The following PLEKHA6 variants were observed in gnomAD, a reference collection of about 807,000 sequenced individuals.
The protein encoded by PLEKHA6 is pleckstrin homology domain containing A6.
Under a neutral mutation model 116.7 loss-of-function variants are expected in PLEKHA6, and 60 were observed. That is an observed-to-expected ratio of 0.51 (90% CI 0.42 to 0.64). The LOEUF (loss-of-function observed/expected upper bound fraction) is 0.64, where lower values mean the gene tolerates loss of function less well. Among genes scored for constraint, PLEKHA6 ranks in the 30% least tolerant of loss-of-function variants. The pLI, the probability that PLEKHA6 is intolerant of heterozygous loss-of-function variation, is 0.00. For synonymous variants in PLEKHA6, 489 were observed against 556.1 expected, an observed-to-expected ratio of 0.88 and a Z score of 1.70; for missense variants, 1,338 against 1,422.7, an observed-to-expected ratio of 0.94 and a Z score of 0.96.
intron 18 of PLEKHA6, among the ~76,000 whole-genome samples, chr1:204,229,673 C>T (rs983865875): frequency 1.3e-5 from 2 of 152,152 alleles, no homozygotes; most frequent in Non-Finnish European, 2.9e-5. Context: ...CCTTGGCCTC[C>T]CAAAGTGCTA....
At chr1:204,372,269 C>T (rs760860795) in intron 1 of PLEKHA6, among the ~76,000 whole-genome samples, 27 of 152,176 alleles carry the variant, frequency 1.8e-4, no homozygotes, top group Non-Finnish European at 2.9e-4. Flanking sequence ...GATCTGTCCC[C>T]GACAAAACTC....
At chr1:204,352,312 T>G (rs1673305340) in intron 1 of PLEKHA6, among the ~76,000 whole-genome samples, 3 of 151,486 alleles carry the variant, frequency 2.0e-5, no homozygotes, top group Middle Eastern at 3.4e-3. Flanking sequence ...GAGGCAGAGG[T>G]TGCAGTGAGC....
intron 1 of PLEKHA6, among the ~76,000 whole-genome samples, chr1:204,357,632 G>A (rs985828367): frequency 6.6e-6 from 1 of 152,220 alleles, no homozygotes; most frequent in African/African-American, 2.4e-5. Flanking sequence ...CCTCTGGGGG[G>A]CCCCATGGGT....
At chr1:204,271,641 C>A (rs1188563989) in intron 3 of PLEKHA6, among the ~76,000 whole-genome samples, 1 of 152,152 alleles carries the variant, frequency 6.6e-6, no homozygotes, top group Non-Finnish European at 1.5e-5. Context: ...AGACAACCTC[C>A]CACTGACTCC....
rs562673543 is a variant in PLEKHA6, at chr1:204,373,413, T to G, written c.84-1807A>C. 9.9e-5 allele frequency among the ~76,000 whole-genome samples: 15 copies of G among 151,978 alleles called. No individual in the cohort carries two copies. In the South Asian group the frequency reaches 1.2e-3, roughly 13 times the overall value. On this transcript the variant is annotated intron_variant, in intron 1 of 4. Transcript: ENST00000564627. ...CTATTTTTTTTTTGCAGAGACAAGG[T>G]CTTACTATGTTGCCCAGGTTGGTTA... is the stretch of plus-strand genomic sequence containing the variant.
Position 204,259,482 on chromosome 1 carries a change from C to G in PLEKHA6, c.783G>C (p.Gly261=), listed in dbSNP as rs751835630. 1.2e-5 allele frequency: 19 copies of G among 1,614,088 alleles called. No individual in the cohort carries two copies. The highest frequency in any genetic ancestry group is 1.6e-5 in the Non-Finnish European group (19 of 1,180,028). Residue 261 remains glycine (G), a synonymous_variant, in exon 8 of 23, where the codon GGG becomes GGC. Coordinates refer to ENST00000272203, the MANE Select transcript of PLEKHA6 (RefSeq NM_014935.5). This position sits in a 1 kb window ranked among gnomAD's most constrained non-coding sequence, Gnocchi z 4.6. The stretch of plus-strand genomic sequence containing the variant: ...TGGGCTGGGCAGGCTGTTCCCCACC[C>G]CCTGGCACTCTTGGGCCCTCGGGGT... ...SPYPEGPRVP[G]GGEQPAQPNG...
rs141865069 is a variant in PLEKHA6, at chr1:204,288,419, C to A, written c.-94-13610G>T. 5.3e-4 allele frequency among the ~76,000 whole-genome samples: 81 copies of A among 152,346 alleles called. 1 individual carries two copies. The highest frequency in any genetic ancestry group is 1.8e-3 in the African/African-American group (75 of 41,578). Reference sequence around the variant, plus strand: ...CCCTCTAGTCCCACCCAGGCCGCCCCGCCTGATTGGAGCACACTTGCAACC... The same window carrying A: ...CCCTCTAGTCCCACCCAGGCCGCCCAGCCTGATTGGAGCACACTTGCAACC... On this transcript the variant is annotated intron_variant, in intron 1 of 22. Coordinates refer to ENST00000272203, the MANE Select transcript of PLEKHA6 (RefSeq NM_014935.5).
At chr1:204,254,441 T>TA (rs1473112184) in intron 9 of PLEKHA6, among the ~76,000 whole-genome samples, 4 of 151,770 alleles carry the variant, frequency 2.6e-5, no homozygotes, top group African/African-American at 9.7e-5. Context: ...GCATCTCATT[T>TA]AAAATTTTTT....
intron 9 of PLEKHA6, among the ~76,000 whole-genome samples, chr1:204,253,596 G>A (rs1433110328): frequency 6.6e-6 from 1 of 152,158 alleles, no homozygotes; most frequent in Non-Finnish European, 1.5e-5. Context: ...AGGCAGAGGT[G>A]AGAGGATCAC....
intron 1 of PLEKHA6, among the ~76,000 whole-genome samples, chr1:204,279,910 C>T (rs929938057): frequency 4.6e-5 from 7 of 152,156 alleles, no homozygotes; most frequent in African/African-American, 1.7e-4. Context: ...TGTAAACTTG[C>T]AAGATATAGA....
rs148948923 is a variant in PLEKHA6, at chr1:204,248,954, G to A, written c.1691C>T (p.Ala564Val). The stretch of plus-strand genomic sequence containing the variant: ...CAGCTCCTGGTGGGTCCCCATCAAG[G>A]CACTTTCCAGGCTCTCCTGAAGAAA... ...LRAEKESLESALMGTHQELEM... is the reference protein window; with the variant it reads ...LRAEKESLESVLMGTHQELEM... The change falls in exon 12 of 23, where the codon GCC becomes GTC. Residue 564 changes from alanine to valine, a missense_variant. Around this residue, in one of 3 missense-constraint regions of PLEKHA6, gnomAD observed 1,136 missense variants for 1,163.6 expected, o/e 0.98. Transcript: ENST00000272203. 1.3e-5 allele frequency: 21 copies of A among 1,614,044 alleles called. No individual in the cohort carries two copies. The African/African-American group carries it at 2.8e-4, about 22-fold the overall frequency.
At chr1:204,325,973 C>T (rs1672228950) in intron 1 of PLEKHA6, 2 of 889,254 alleles carry the variant, frequency 2.2e-6, no homozygotes, top group Non-Finnish European at 2.7e-6. Flanking sequence ...CAGAGTCCCT[C>T]TGCCCACAGC....
chr1:204,259,718 T>G lies in PLEKHA6; in HGVS notation c.547A>C (p.Asn183His). 1.9e-6 allele frequency: 3 copies of G among 1,611,302 alleles called. No individual in the cohort carries two copies. Among genetic ancestry groups the G allele is most frequent in the Non-Finnish European group, 2.5e-6 (3 of 1,178,298 alleles). Residue 183 changes from asparagine (N) to histidine (H), a missense_variant, in exon 8 of 23, where the codon AAC becomes CAC. By Grantham distance (68) the Asn-to-His change is moderately conservative (BLOSUM62 1). Around this residue, in one of 3 missense-constraint regions of PLEKHA6, gnomAD observed 140 missense variants for 197.4 expected, o/e 0.71. Coordinates refer to ENST00000272203, the MANE Select transcript of PLEKHA6 (RefSeq NM_014935.5). This position sits in a 1 kb window ranked among gnomAD's most constrained non-coding sequence, Gnocchi z 4.6. ...TGGTGGTGCTTGCTGGGTGGGACGT[T>G]CTCCGAGTCTGGCTTCTCATGGCTG... ...RHSHEKPDSENVPPSKHHQQP... is the reference protein window; with the variant it reads ...RHSHEKPDSEHVPPSKHHQQP...
chr1:204,302,373 C>T (rs1262783829), intron 1 of PLEKHA6, among the ~76,000 whole-genome samples: 1 of 152,216 alleles, frequency 6.6e-6, no homozygotes, highest in Non-Finnish European at 1.5e-5. Context: ...GTTGCCCAGG[C>T]TGGTCTTTGC....
At position 204,267,539 on chromosome 1, in the gene PLEKHA6, G is replaced by A. The variant is rs751907743; in HGVS notation, c.216C>T (p.Ser72=). 24 of 1,613,942 alleles carry A rather than the reference G, an allele frequency of 1.5e-5. No homozygotes were observed. The highest frequency in any genetic ancestry group is 8.8e-5 in the South Asian group (8 of 91,070). Residue 72 remains serine, a synonymous_variant, in exon 5 of 23, where the codon TCC becomes TCT. Transcript: ENST00000272203. ...KAGWLFKQAS[S]GVKQWNKRWF... is the part of the protein sequence containing the mutation. Reference sequence around the variant, plus strand: ...AGCGCTTGTTCCACTGCTTAACCCCGGAGCTGGCCTGCGGGACATGGGAGA... The same window carrying A: ...AGCGCTTGTTCCACTGCTTAACCCCAGAGCTGGCCTGCGGGACATGGGAGA...
At chr1:204,241,873 C>T (rs111540817) in intron 15 of PLEKHA6, 59 bp from the exon 16 acceptor site, 16 of 1,577,932 alleles carry the variant, frequency 1.0e-5, no homozygotes, top group African/African-American at 8.1e-5. Context: ...AACTTGGCCC[C>T]CAGTGATGTT....
At chr1:204,280,855 C>T (rs1395808093) in intron 1 of PLEKHA6, 1 of 197,058 alleles carries the variant, frequency 5.1e-6, no homozygotes, top group African/African-American at 2.4e-5. Flanking sequence ...CTTCATGCAC[C>T]TGATTCCTGA....
At chr1:204,356,771 C>T (rs1673428001) in intron 1 of PLEKHA6, among the ~76,000 whole-genome samples, 1 of 151,958 alleles carries the variant, frequency 6.6e-6, no homozygotes, top group Non-Finnish European at 1.5e-5. Context: ...ATATATCAAA[C>T]CTATGGGTAA....
In PLEKHA6 at chr1:204,228,081, A is replaced by C; in HGVS notation, c.3031+2T>G. 1 of 1,611,466 alleles carries C rather than the reference A, an allele frequency of 6.2e-7. No homozygotes were observed. Among genetic ancestry groups the C allele is most frequent in the Non-Finnish European group, 8.5e-7 (1 of 1,178,904 alleles). ...GGTGGAGCGAGGCCCAGCCCCTCTC[A>C]CCAGACAGCATGCGGCCCCTGCGGG... On this transcript the variant is annotated splice_donor_variant, in intron 21 of 22. Coordinates refer to ENST00000272203, the MANE Select transcript of PLEKHA6 (RefSeq NM_014935.5). LOFTEE classifies it high-confidence loss of function. The surrounding 1 kb of genome is among the most constrained non-coding windows in gnomAD (Gnocchi z 4.0).
Sources: allele counts gnomAD v4.1 joint callset (sites outside exome capture counted in the v4.1 genomes callset), GRCh38; gene constraint gnomAD v4.1.1; regional missense constraint gnomAD v4.1.1; non-coding constraint Gnocchi (gnomAD v3.1); transcripts MANE v1.5; gene names NCBI Gene and HGNC (gene_info 2026-07-23, HGNC 2026-07-21).